Variants in TOX2 observed in about 807,000 individuals in gnomAD.
TOX2 encodes granulosa cell HMG box 1.
In TOX2, 15 loss-of-function variants were observed where a neutral mutation model predicts 47.4. That is an observed-to-expected ratio of 0.32 (90% confidence interval 0.21 to 0.49). The LOEUF is 0.49. TOX2 is among the 20% of genes least tolerant of loss of function. The pLI, the probability that TOX2 is intolerant of heterozygous loss-of-function variation, is 0.99. For synonymous variants in TOX2, 290 were observed against 296.6 expected (o/e 0.98, Z 0.23); for missense variants, 622 against 673.1 (o/e 0.92, Z 0.84).
At chr20:43,969,163 G>C (rs1393248481) in intron 1 of TOX2, among the ~76,000 whole-genome samples, 1 of 152,258 alleles carries the variant, frequency 6.6e-6, no homozygotes, top group African/African-American at 2.4e-5. Flanking sequence ...ACTCATGCCT[G>C]TGCTGTGTGT....
chr20:43,923,731 G>C (rs2069135921), intron 1 of TOX2, among the ~76,000 whole-genome samples: 1 of 152,210 alleles, frequency 6.6e-6, no homozygotes, highest in Non-Finnish European at 1.5e-5. Flanking sequence ...CTCACATTGG[G>C]TTGCCTGGAA....
intron 2 of TOX2, among the ~76,000 whole-genome samples, chr20:43,990,894 A>G (rs1272814575): frequency 6.6e-6 from 1 of 152,134 alleles, no homozygotes; most frequent in Non-Finnish European, 1.5e-5. Flanking sequence ...TTCAGAAGGT[A>G]GAAATGGGAA....
At position 44,038,554 on chromosome 20, in the gene TOX2, A is replaced by G. The variant is rs1362693655; in HGVS notation, c.412-12752A>G. ...TGTATACAACTATGACTTGTCAATA[A>G]AAAGAAAAGAAAAAAATTTAATTGT... is the stretch of plus-strand genomic sequence containing the variant. On this transcript the variant is annotated intron_variant, in intron 3 of 8. Transcript: ENST00000341197. Among the ~76,000 whole-genome samples the G allele has an allele frequency of 3.3e-5, 5 of 152,364 alleles. No homozygotes were observed. The East Asian group carries it at 9.6e-4, about 29-fold the overall frequency.
chr20:44,064,838 G>A lies in TOX2; in HGVS notation c.941G>A (p.Arg314Gln), dbSNP rs371216496. 4.0e-5 allele frequency: 64 copies of A among 1,613,964 alleles called. 1 individual carries two copies. The highest frequency in any genetic ancestry group is 5.3e-5 in the African/African-American group (4 of 74,920). ...KEYLKALAAY[R>Q]ASLVSKSSPD... ...TATCTGAAGGCCCTGGCAGCCTACCGGGCTAGCCTCGTCTCCAAGGTAACA... is the reference window on the plus strand; with the variant it reads ...TATCTGAAGGCCCTGGCAGCCTACCAGGCTAGCCTCGTCTCCAAGGTAACA... The change falls in exon 6 of 9, where the codon CGG (arginine) becomes CAG (glutamine). Residue 314 changes from arginine (R) to glutamine (Q), a missense_variant. Around this residue, in one of 3 missense-constraint regions of TOX2, gnomAD observed 294 missense variants for 300.0 expected, o/e 0.98. Coordinates refer to ENST00000341197, the MANE Select transcript of TOX2 (RefSeq NM_001098797.2).
chr20:43,951,707 G>GGTTTGTTTTTTTTTTTTTTTTTTT (rs745489872), intron 1 of TOX2, among the ~76,000 whole-genome samples: 2 of 55,098 alleles, frequency 3.6e-5, no homozygotes, highest in African/African-American at 1.1e-4. Context: ...AACTTATTAT[G>GGTTTGTTTTTTTTTTTTTTTTTTT]TTTTTTTTTT....
chr20:43,937,919 G>A (rs1455927256), intron 1 of TOX2, among the ~76,000 whole-genome samples: 2 of 152,208 alleles, frequency 1.3e-5, no homozygotes, highest in Non-Finnish European at 2.9e-5. Context: ...AATGGGAGGA[G>A]TCTGGAGTGT....
chr20:43,919,281 T>G (rs2069088730), intron 1 of TOX2, among the ~76,000 whole-genome samples: 1 of 152,238 alleles, frequency 6.6e-6, no homozygotes, highest in South Asian at 2.1e-4. Context: ...CACTGCCCTC[T>G]GGAGCTTATT....
At chr20:43,959,087 T>TTCTTCCCA (rs1294886307) in intron 1 of TOX2, among the ~76,000 whole-genome samples, 1 of 152,100 alleles carries the variant, frequency 6.6e-6, no homozygotes, top group Non-Finnish European at 1.5e-5. Context: ...AACAGAGGGG[T>TTCTTCCCA]GGCTCTCTGC....
intron 1 of TOX2, among the ~76,000 whole-genome samples, chr20:43,959,575 A>G (rs2082542875): frequency 1.3e-5 from 2 of 152,190 alleles, no homozygotes; most frequent in South Asian, 4.1e-4. Flanking sequence ...TGTCGTTGAC[A>G]TATTTCCCTT....
chr20:44,037,283 G>T (rs755469921), intron 3 of TOX2, among the ~76,000 whole-genome samples: 4 of 152,170 alleles, frequency 2.6e-5, no homozygotes, highest in African/African-American at 9.6e-5. Flanking sequence ...CCCAGTTGAG[G>T]TGCAGTTCAA....
chr20:44,043,227 G>A (rs139872997), intron 3 of TOX2, among the ~76,000 whole-genome samples: 63 of 152,230 alleles, frequency 4.1e-4, no homozygotes, highest in African/African-American at 1.5e-3. Context: ...GTAGGTACCA[G>A]CCATTTCCCC....
rs147196677 is a variant in TOX2 at position 44,006,687 on chromosome 20, C to A, written c.306C>A (p.Asn102Lys). ...YHSLCHGLTPNGLLPAYSYQA... is the reference protein window; with the variant it reads ...YHSLCHGLTPKGLLPAYSYQA... ...CGCTGTGCCACGGCCTCACCCCCAACGGTCTGCTCCCTGCCTACTCCTATC... is the reference window on the plus strand; with the variant it reads ...CGCTGTGCCACGGCCTCACCCCCAAAGGTCTGCTCCCTGCCTACTCCTATC... Residue 102 changes from asparagine (N) to lysine (K), a missense_variant, in exon 3 of 9, where the codon AAC becomes AAA. Physicochemically the swap from Asn to Lys is moderately conservative, Grantham distance 94. Transcript: ENST00000341197. The A allele has an allele frequency of 2.5e-6, 4 of 1,614,142 alleles. No homozygotes were observed. The highest frequency in any genetic ancestry group is 3.4e-6 in the Non-Finnish European group (4 of 1,180,038).
chr20:43,973,577 G>A, intron 2 of TOX2, 145 bp downstream of exon 2: 1 of 690,158 alleles, frequency 1.4e-6, no homozygotes. Context: ...AATAGCAATA[G>A]TCTCCTTAAA....
chr20:44,067,846 C>T (rs559039289), intron 8 of TOX2, among the ~76,000 whole-genome samples: 6 of 152,202 alleles, frequency 3.9e-5, no homozygotes, highest in African/African-American at 1.4e-4. Context: ...GCAGCCACAC[C>T]TGGGGGACGT....
rs1174645856 is a variant in TOX2, at chr20:44,006,641, A to G, written c.260A>G (p.Asp87Gly). ...GAGCCATCCCTCCTGCACCTGGGGG[A>G]CCACGAAGCCAGCTACCACTCGCTG... ...LPEPSLLHLG[D>G]HEASYHSLCH... Residue 87 changes from aspartate to glycine, a missense_variant, in exon 3 of 9, where the codon GAC becomes GGC. Transcript: ENST00000341197. The G allele has an allele frequency of 1.2e-6, 2 of 1,613,976 alleles. No individual in the cohort carries two copies. The highest frequency in any genetic ancestry group is 1.7e-6 in the Non-Finnish European group (2 of 1,179,976).
intron 1 of TOX2, among the ~76,000 whole-genome samples, chr20:43,943,030 C>T (rs552343751): frequency 7.9e-5 from 12 of 152,286 alleles, no homozygotes; most frequent in African/African-American, 2.4e-4. Context: ...TTTATTGCAA[C>T]GGCAAGAGCA....
At position 43,915,549 on chromosome 20, in the gene TOX2, A is replaced by G. The variant is rs553039232; in HGVS notation, c.99+559A>G. 2.0e-5 allele frequency among the ~76,000 whole-genome samples: 3 copies of G among 152,084 alleles called. No homozygotes were observed. Among genetic ancestry groups the G allele is most frequent in the Non-Finnish European group, 4.4e-5 (3 of 67,990 alleles). ...CTCACCCAGGCGCACGCTGTCACACACAGCCACCCCCCTGGACGGTGAGCC... is the reference window on the plus strand; with the variant it reads ...CTCACCCAGGCGCACGCTGTCACACGCAGCCACCCCCCTGGACGGTGAGCC... On this transcript the variant is annotated intron_variant, in intron 1 of 8. Coordinates refer to ENST00000341197, the MANE Select transcript of TOX2 (RefSeq NM_001098797.2). The surrounding 1 kb of genome is among the most constrained non-coding windows in gnomAD (Gnocchi z 7.1).
At chr20:43,946,011 G>A in intron 1 of TOX2, 1 of 1,614,104 alleles carries the variant, frequency 6.2e-7, no homozygotes, top group Non-Finnish European at 8.5e-7. Context: ...CAAGACACTG[G>A]TGCATTGCAG....
chr20:43,916,209 G>A lies in TOX2; in HGVS notation c.99+1219G>A. The A allele has an allele frequency of 1.0e-6, 1 of 985,616 alleles. No individual in the cohort carries two copies. The highest frequency in any genetic ancestry group is 1.2e-6 in the Non-Finnish European group (1 of 830,070). The allele number at this position is 985,616 out of a possible 1,614,324, so 61.1% of individuals were successfully genotyped here. ...CGCGTGGGCTCCGTGGCGATGCGGG[G>A]TGAGTGCGCGTCCAGTGGCTGGATC... On this transcript the variant is annotated intron_variant, in intron 1 of 8. Coordinates refer to ENST00000341197, the MANE Select transcript of TOX2 (RefSeq NM_001098797.2). This position sits in a 1 kb window ranked among gnomAD's most constrained non-coding sequence, Gnocchi z 5.0.
Sources: allele counts gnomAD v4.1 joint callset (sites outside exome capture counted in the v4.1 genomes callset), GRCh38; gene constraint gnomAD v4.1.1; regional missense constraint gnomAD v4.1.1; non-coding constraint Gnocchi (gnomAD v3.1); transcripts MANE v1.5; gene names NCBI Gene and HGNC (gene_info 2026-07-23, HGNC 2026-07-21).